PAMR1: variants seen among roughly 807,000 people sequenced by gnomAD.
PAMR1 encodes inactive serine protease PAMR1.
Under a neutral mutation model 81.8 loss-of-function variants are expected in PAMR1, and 88 were observed. The observed-to-expected ratio is 1.08, with a 90% CI of 0.91 to 1.28. The LOEUF (loss-of-function observed/expected upper bound fraction) is 1.28, where lower values mean the gene tolerates loss of function less well. Ranked by LOEUF, PAMR1 falls within the 50% of genes most tolerant of loss-of-function variation. PAMR1 has a pLI of 0.00. For synonymous variants in PAMR1, 336 were observed against 345.3 expected, an observed-to-expected ratio of 0.97 and a Z score of 0.30; for missense variants, 935 against 919.7, an observed-to-expected ratio of 1.02 and a Z score of -0.21.
rs148488577 is a variant in PAMR1 at position 35,439,628 on chromosome 11, T to G, written c.1099A>C (p.Arg367=). ...AGAGTGCAGGTGTTTTGACCTCACC[T>G]TGACTGAACCTGCATCGGAAGAACT... ...RRVLPMQVQS[R]ETPLHQLYSA... Residue 367 remains arginine, a splice_region_variant and synonymous_variant, in exon 8 of 11, where the codon AGG becomes CGG. Transcript: ENST00000619888. 9.3e-6 allele frequency: 15 copies of G among 1,612,934 alleles called. No homozygotes were observed. In the African/African-American group the frequency reaches 2.0e-4, roughly 22 times the overall value.
chr11:35,466,457 G>A (rs184944787), intron 6 of PAMR1, among the ~76,000 whole-genome samples: 5 of 152,290 alleles, frequency 3.3e-5, no homozygotes, highest in African/African-American at 1.2e-4. Flanking sequence ...GGCCAGTGCA[G>A]TGGCTCACCC....
intron 6 of PAMR1, among the ~76,000 whole-genome samples, chr11:35,466,596 G>A (rs1046158300): frequency 7.2e-5 from 11 of 151,740 alleles, no homozygotes; most frequent in African/African-American, 1.5e-4. Context: ...GTGTGGTGGC[G>A]GGCGCCTGTA....
At chr11:35,461,713 A>G (rs1300813591) in intron 6 of PAMR1, among the ~76,000 whole-genome samples, 1 of 152,158 alleles carries the variant, frequency 6.6e-6, no homozygotes, top group Non-Finnish European at 1.5e-5. Flanking sequence ...TTTTGGATCT[A>G]AATCCAAATG....
chr11:35,456,709 C>T (rs1856540185), intron 6 of PAMR1, among the ~76,000 whole-genome samples: 1 of 152,174 alleles, frequency 6.6e-6, no homozygotes, highest in Admixed American at 6.5e-5. Context: ...TTCAAACATG[C>T]TGCATAGCAT....
At chr11:35,502,346 A>G (rs990088181) in intron 1 of PAMR1, among the ~76,000 whole-genome samples, 4 of 152,120 alleles carry the variant, frequency 2.6e-5, no homozygotes, top group East Asian at 1.9e-4. Flanking sequence ...TGCTGCACCT[A>G]TCAATCCATC....
chr11:35,473,415 G>T (rs1041002643), intron 4 of PAMR1, among the ~76,000 whole-genome samples: 1 of 152,142 alleles, frequency 6.6e-6, no homozygotes, highest in Non-Finnish European at 1.5e-5. Context: ...GGGACCATTT[G>T]TCTTGGTCCC....
chr11:35,470,488 A>T (rs1565340324), intron 5 of PAMR1, 113 bp downstream of exon 5: 2 of 811,604 alleles, frequency 2.5e-6, no homozygotes, highest in Non-Finnish European at 2.0e-6. Flanking sequence ...GTTTCTAAGA[A>T]CACAGCCTAC....
chr11:35,491,831 C>T (rs1052607187), intron 3 of PAMR1, among the ~76,000 whole-genome samples: 5 of 152,182 alleles, frequency 3.3e-5, no homozygotes, highest in African/African-American at 1.2e-4. Context: ...GAAGAGTAGA[C>T]ATAAACCTCC....
At chr11:35,451,638 T>C (rs1856419908) in intron 6 of PAMR1, among the ~76,000 whole-genome samples, 1 of 152,200 alleles carries the variant, frequency 6.6e-6, no homozygotes, top group South Asian at 2.1e-4. Flanking sequence ...GTGATGCTTC[T>C]GAGTTAGGAT....
intron 6 of PAMR1, among the ~76,000 whole-genome samples, chr11:35,450,994 A>G (rs1856406613): frequency 1.3e-5 from 2 of 152,258 alleles, no homozygotes; most frequent in South Asian, 4.1e-4. Flanking sequence ...CATGGCCAAG[A>G]AAGATTGAGT....
At chr11:35,437,637 C>T (rs187492835) in intron 8 of PAMR1, among the ~76,000 whole-genome samples, 1 of 152,362 alleles carries the variant, frequency 6.6e-6, no homozygotes, top group Admixed American at 6.5e-5. Flanking sequence ...TGCCTGTCTT[C>T]CCAACAGATA....
intron 6 of PAMR1, among the ~76,000 whole-genome samples, chr11:35,444,396 GT>G (rs1555032242): frequency 6.6e-6 from 1 of 152,132 alleles, no homozygotes; most frequent in Non-Finnish European, 1.5e-5. Context: ...TGCTTTTGAC[GT>G]TTTTGTCATG....
intron 1 of PAMR1, among the ~76,000 whole-genome samples, chr11:35,495,038 T>C (rs1850700439): frequency 6.6e-6 from 1 of 152,232 alleles, no homozygotes; most frequent in Admixed American, 6.5e-5. Flanking sequence ...GCCATTAAAC[T>C]GCATGACTAC....
chr11:35,468,341 A>G (rs1373600619), intron 5 of PAMR1, among the ~76,000 whole-genome samples: 1 of 151,098 alleles, frequency 6.6e-6, no homozygotes, highest in East Asian at 1.9e-4. Context: ...AGTATGCTTA[A>G]CGCTCCTATA....
chr11:35,476,584 T>C (rs984337714), intron 3 of PAMR1, among the ~76,000 whole-genome samples: 1 of 152,176 alleles, frequency 6.6e-6, no homozygotes, highest in Non-Finnish European at 1.5e-5. Flanking sequence ...ATTAAACCTC[T>C]TTCCTTTATA....
intron 1 of PAMR1, among the ~76,000 whole-genome samples, chr11:35,518,712 T>C (rs1360013069): frequency 6.6e-6 from 1 of 152,078 alleles, no homozygotes; most frequent in Non-Finnish European, 1.5e-5. Context: ...AAAACATTGA[T>C]GCTTTAGTTT....
At chr11:35,434,095 G>T (rs1050074903) in intron 10 of PAMR1, among the ~76,000 whole-genome samples, 2 of 152,038 alleles carry the variant, frequency 1.3e-5, no homozygotes, top group African/African-American at 4.8e-5. Context: ...ACACTGTGAG[G>T]GTACAATGAC....
At chr11:35,484,270 C>T (rs1850457973) in intron 3 of PAMR1, among the ~76,000 whole-genome samples, 1 of 152,196 alleles carries the variant, frequency 6.6e-6, no homozygotes, top group African/African-American at 2.4e-5. Flanking sequence ...GATTGGGTAA[C>T]CTTGCCCAAA....
At chr11:35,524,044 T>C (rs114190226) in intron 1 of PAMR1, among the ~76,000 whole-genome samples, 1,725 of 152,176 alleles carry the variant, frequency 0.011, 22 homozygotes, top group African/African-American at 0.039. Flanking sequence ...AGGAATCAAA[T>C]CCACTGAGCC....
Sources: allele counts gnomAD v4.1 joint callset (sites outside exome capture counted in the v4.1 genomes callset), GRCh38; gene constraint gnomAD v4.1.1; transcripts MANE v1.5; gene names NCBI Gene and HGNC (gene_info 2026-07-23, HGNC 2026-07-21).